Variants in KIF24 observed in about 807,000 individuals in gnomAD.
KIF24 encodes the protein kinesin-like protein KIF24.
KIF24 carries 81 observed loss-of-function variants against 118.9 expected under a neutral mutation model. That is an observed-to-expected ratio of 0.68 (90% confidence interval 0.57 to 0.82). The LOEUF is 0.82. Ranked by LOEUF, KIF24 falls within the 40% of genes least tolerant of loss-of-function variation. The pLI is 0.00. For missense variants in KIF24, 1,560 were observed against 1,661.6 expected (o/e 0.94, Z 1.06); for synonymous variants, 599 against 610.0 (o/e 0.98, Z 0.27).
At chr9:34,262,676 ATATATATATATATATATAT>A (rs1320130812) in intron 9 of KIF24, among the ~76,000 whole-genome samples, 3 of 13,242 alleles carry the variant, frequency 2.3e-4, no homozygotes, top group African/African-American at 8.4e-4. Flanking sequence ...AAAAAAAAAA[ATATATATATATATATATAT>A]ATATATATAT....
intron 6 of KIF24, among the ~76,000 whole-genome samples, chr9:34,276,418 A>AG (rs1419214535): frequency 6.6e-6 from 1 of 151,854 alleles, no homozygotes; most frequent in African/African-American, 2.4e-5. Context: ...AAAAAAAAAA[A>AG]AAAGAATAAG....
chr9:34,299,804 A>ATG (rs750264704), intron 3 of KIF24, among the ~76,000 whole-genome samples: 39 of 123,266 alleles, frequency 3.2e-4, no homozygotes, highest in African/African-American at 7.1e-4. Flanking sequence ...GGCTACCAAG[A>ATG]TGTGTGTGTG....
At chr9:34,275,535 T>C (rs1835628397) in intron 6 of KIF24, among the ~76,000 whole-genome samples, 1 of 151,694 alleles carries the variant, frequency 6.6e-6, no homozygotes, top group Non-Finnish European at 1.5e-5. Flanking sequence ...ACCTCATCTC[T>C]ACAAATTAAA....
At chr9:34,285,930 T>TAAAA (rs11283995) in intron 6 of KIF24, among the ~76,000 whole-genome samples, 123 of 120,878 alleles carry the variant, frequency 1.0e-3, no homozygotes, top group African/African-American at 2.2e-3. Flanking sequence ...CCCTGTTGCT[T>TAAAA]AAAAAAAAAA....
At position 34,257,692 on chromosome 9, in the gene KIF24, G is replaced by C. The variant is rs747589405; in HGVS notation, c.1915C>G (p.Gln639Glu). The change falls in exon 11 of 13, where the codon CAA becomes GAA. Residue 639 changes from glutamine (Q) to glutamate (E), a missense_variant. Gln to Glu is a conservative substitution (Grantham distance 29). Coordinates refer to ENST00000402558, the MANE Select transcript of KIF24 (RefSeq NM_194313.4). ...GGGCTAGCATGAATGACCCACTCTT[G>C]TGAAGGACTCCCTCTGGAGCCACCC... The part of the protein sequence containing the change: ...KRGGSRGSPS[Q>E]EWVIHASPVK... 6.2e-6 allele frequency: 10 copies of C among 1,613,992 alleles called. No individual in the cohort carries two copies. The South Asian group carries it at 7.7e-5, about 12-fold the overall frequency.
At chr9:34,262,644 CAAAAAAAAAAAAAAAAAA>C (rs1172989308) in intron 9 of KIF24, among the ~76,000 whole-genome samples, 48 of 19,584 alleles carry the variant, frequency 2.5e-3, no homozygotes, top group African/African-American at 9.0e-3. Flanking sequence ...CTGTCTCTAC[CAAAAAAAAAAAAAAAAAA>C]AAAAAAAAAA....
chr9:34,307,078 A>T (rs1836953595), intron 2 of KIF24, among the ~76,000 whole-genome samples: 2 of 152,028 alleles, frequency 1.3e-5, no homozygotes, highest in South Asian at 4.2e-4. Context: ...CTGAAAAAAA[A>T]TTTTTTTTGA....
intron 3 of KIF24, among the ~76,000 whole-genome samples, chr9:34,299,818 G>A (rs1258606495): frequency 1.6e-5 from 1 of 63,586 alleles, no homozygotes; most frequent in Non-Finnish European, 4.6e-5. Flanking sequence ...GTGTGTGTGT[G>A]TGTGCGTGTG....
intron 2 of KIF24, among the ~76,000 whole-genome samples, 165 bp from the exon 3 acceptor site, chr9:34,306,606 T>C (rs1044873588): frequency 6.6e-6 from 1 of 152,068 alleles, no homozygotes; most frequent in Non-Finnish European, 1.5e-5. Context: ...ATCAAGACCA[T>C]CCTGGCTAAC....
At chr9:34,310,661 GGA>G in intron 2 of KIF24, 61 bp downstream of exon 2, 1 of 1,223,386 alleles carries the variant, frequency 8.2e-7, no homozygotes, top group Non-Finnish European at 1.1e-6. Context: ...TGGACATGAA[GGA>G]GAGGCCTGCC....
chr9:34,320,923 C>T (rs1405347159), intron 1 of KIF24, among the ~76,000 whole-genome samples: 3 of 152,112 alleles, frequency 2.0e-5, no homozygotes, highest in Non-Finnish European at 4.4e-5. Flanking sequence ...GCTATATCTG[C>T]ATTGTTCAAA....
Position 34,259,660 on chromosome 9 carries a change from C to T in KIF24, c.1561G>A (p.Ala521Thr), listed in dbSNP as rs372609530. Reference protein sequence around the residue: ...FIGNAKTCMIANISPSHVATE... With the variant: ...FIGNAKTCMITNISPSHVATE... ...GCCACGTGGCTTGGTGAGATGTTGGCGATCATGCAGGTTTTGGCATTGCCG... is the reference window on the plus strand; with the variant it reads ...GCCACGTGGCTTGGTGAGATGTTGGTGATCATGCAGGTTTTGGCATTGCCG... Residue 521 changes from alanine to threonine, a missense_variant, in exon 10 of 13, where the codon GCC becomes ACC. Transcript: ENST00000402558. 5.5e-5 allele frequency: 88 copies of T among 1,613,762 alleles called. No homozygotes were observed. The highest frequency in any genetic ancestry group is 8.0e-5 in the African/African-American group (6 of 74,912).
In KIF24 at chr9:34,266,487, G is replaced by GC. The variant is rs1835293605; in HGVS notation, c.1443+2769dup. On this transcript the variant is annotated intron_variant, in intron 8 of 12. Transcript: ENST00000402558. ...AGGTTAGGAGTTCAAGACCAGCATG[G>GC]CCAACATGGTGAAACCGGGTCTCTA... 2.0e-5 allele frequency among the ~76,000 whole-genome samples: 3 copies of GC among 152,126 alleles called. No homozygotes were observed. In the South Asian group the frequency reaches 6.2e-4, roughly 32 times the overall value.
At chr9:34,290,098 T>TG in intron 5 of KIF24, 76 bp downstream of exon 5, 2 of 1,012,276 alleles carry the variant, frequency 2.0e-6, no homozygotes, top group South Asian at 2.8e-5. Context: ...TTAAAGCCTA[T>TG]GATTCAGTGA....
chr9:34,254,254 T>C lies in KIF24; in HGVS notation c.*126A>G. 1 of 1,109,218 alleles carries C rather than the reference T, an allele frequency of 9.0e-7. No individual in the cohort carries two copies. The highest frequency in any genetic ancestry group is 1.2e-6 in the Non-Finnish European group (1 of 815,080). The allele number at this position is 1,109,218 out of a possible 1,614,324, so 68.7% of individuals were successfully genotyped here. A position where few individuals can be genotyped will look rare whatever the true frequency, so the allele number is the denominator to read the frequency against. ...AAGCCACGTGGGGCTGGGGTGACGC[T>C]AGCATAGGCAGGACCAGCGTGTGGG... On this transcript the variant is annotated 3_prime_UTR_variant, in exon 13 of 13. Coordinates refer to ENST00000402558, the MANE Select transcript of KIF24 (RefSeq NM_194313.4).
chr9:34,269,462 C>T, intron 7 of KIF24, 100 bp from the exon 8 acceptor site: 1 of 526,548 alleles, frequency 1.9e-6, no homozygotes, highest in Non-Finnish European at 3.0e-6. Context: ...CTCTGTCGCC[C>T]AGGCTGGAGT....
intron 6 of KIF24, among the ~76,000 whole-genome samples, chr9:34,280,255 A>G (rs571860003): frequency 8.6e-5 from 11 of 128,636 alleles, no homozygotes; most frequent in South Asian, 2.7e-4. Flanking sequence ...CTGCACTCCA[A>G]CCTGGGCGAC....
At position 34,288,848 on chromosome 9, in the gene KIF24, C is replaced by CCACACACA. The variant is rs10537521; in HGVS notation, c.1127+1318_1127+1325dup. Among the ~76,000 whole-genome samples, 342 of 138,972 alleles carry CCACACACA rather than the reference C, an allele frequency of 2.5e-3. 3 individuals carry two copies. Among genetic ancestry groups the CCACACACA allele is most frequent in the African/African-American group, 8.4e-3 (307 of 36,512 alleles). The allele number at this position is 138,972 out of a possible 152,430, so 91.2% of individuals were successfully genotyped here. On this transcript the variant is annotated intron_variant, in intron 5 of 12. Coordinates refer to ENST00000402558, the MANE Select transcript of KIF24 (RefSeq NM_194313.4). ...CCTAACCTCCCTTCACCCAAATAAA[C>CCACACACA]CACACACACACACACACACACACAC...
At position 34,290,269 on chromosome 9, in the gene KIF24, T is replaced by C. The variant is rs763802212; in HGVS notation, c.1032A>G (p.Leu344=). The change falls in exon 5 of 13, where the codon CTA becomes CTG. Residue 344 remains leucine (L), a synonymous_variant. Transcript: ENST00000402558. Reference sequence around the variant, plus strand: ...GGTGCTTTCTTGGCTGGGACACTTCTAGTTGCCTGAAGATATCTTTGGCAG... The same window carrying C: ...GGTGCTTTCTTGGCTGGGACACTTCCAGTTGCCTGAAGATATCTTTGGCAG... ...ALAAKDIFRQ[L]EVSQPRKHLF... is the part of the protein sequence containing the mutation. 7 of 1,613,962 alleles carry C rather than the reference T, an allele frequency of 4.3e-6. No individual in the cohort carries two copies. The South Asian group carries it at 6.6e-5, about 15-fold the overall frequency.
Sources: gnomAD v4.1 joint callset for allele counts (sites outside exome capture counted in the v4.1 genomes callset) on GRCh38, gnomAD v4.1.1 for gene constraint, MANE v1.5 for transcripts, NCBI Gene and HGNC (gene_info 2026-07-23, HGNC 2026-07-21) for gene names.